Variants in LINGO2 observed in about 807,000 individuals in gnomAD.
LINGO2 encodes leucine-rich repeat and immunoglobulin-like domain-containing nogo receptor-interacting protein 2.
Under a neutral mutation model 30.6 loss-of-function variants are expected in LINGO2, and 14 were observed. The ratio of observed to expected loss-of-function variants is 0.46; its 90% CI spans 0.30 to 0.72. The LOEUF (loss-of-function observed/expected upper bound fraction) is 0.72. Ranked by LOEUF, LINGO2 falls within the 30% of genes least tolerant of loss-of-function variation. The probability of loss-of-function intolerance (pLI) is 0.07; values close to 1 mark genes in which losing one functional copy is unlikely to be tolerated. For synonymous variants in LINGO2, 317 were observed against 288.5 expected (o/e 1.10, Z -1.00); for missense variants, 729 against 751.7 (o/e 0.97, Z 0.35).
the LINGO2 span, chr9:27,941,948 G>A: frequency 6.6e-6 from 1 of 152,130 alleles, no homozygotes; most frequent in East Asian, 1.9e-4. Flanking sequence ...GGTGTTGTAT[G>A]TATGGCTTGC....
chr9:28,707,146 T>A, the LINGO2 span, among the ~76,000 whole-genome samples: 1 of 152,238 alleles, frequency 6.6e-6, no homozygotes, highest in Middle Eastern at 3.4e-3. Context: ...TCTTATATCC[T>A]AAAGATGGCA....
At chr9:28,443,579 G>C (rs1824285505) in intron 2 of LINGO2, among the ~76,000 whole-genome samples, 1 of 152,234 alleles carries the variant, frequency 6.6e-6, no homozygotes, top group South Asian at 2.1e-4. Flanking sequence ...CTGCTCCAAT[G>C]TGGAGTAAAG....
intron 1 of LINGO2, among the ~76,000 whole-genome samples, chr9:28,561,868 T>G (rs1348627587): frequency 3.4e-5 from 5 of 149,038 alleles, no homozygotes; most frequent in Non-Finnish European, 7.4e-5. Context: ...CTTTACACAG[T>G]GAGGATGAAG....
the LINGO2 span, among the ~76,000 whole-genome samples, chr9:28,847,134 G>T: frequency 6.7e-6 from 1 of 148,320 alleles, no homozygotes; most frequent in East Asian, 2.0e-4. Flanking sequence ...GGGGTAGATG[G>T]CTGTTGAGCA....
chr9:28,456,100 T>G (rs1423903314), intron 2 of LINGO2, among the ~76,000 whole-genome samples: 1 of 152,216 alleles, frequency 6.6e-6, no homozygotes, highest in Non-Finnish European at 1.5e-5. Context: ...TTAGTAATTT[T>G]TGAGTGTTTA....
intron 4 of LINGO2, among the ~76,000 whole-genome samples, chr9:28,079,193 G>A (rs1171711151): frequency 7.4e-6 from 1 of 135,166 alleles, no homozygotes; most frequent in Non-Finnish European, 1.5e-5. Context: ...CTAAAAAGAT[G>A]AAATTTAATA....
rs1827880093 is a variant in LINGO2, at chr9:28,148,424, C to G, written c.-86-136019G>C. On this transcript the variant is annotated intron_variant, in intron 4 of 5. Transcript: ENST00000379992. The surrounding 1 kb of genome is among the most constrained non-coding windows in gnomAD (Gnocchi z 5.1). Reference sequence around the variant, plus strand: ...TGAGCAGGTGATCCCAGCCAGGCTCCCGAAGATGGAGGTGAGGGCAGAAGA... The same window carrying G: ...TGAGCAGGTGATCCCAGCCAGGCTCGCGAAGATGGAGGTGAGGGCAGAAGA... 1.5e-6 allele frequency: 2 copies of G among 1,324,752 alleles called. No individual in the cohort carries two copies. Among genetic ancestry groups the G allele is most frequent in the Admixed American group, 2.0e-5 (1 of 50,648 alleles). 82.1% of individuals were successfully genotyped at this position (1,324,752 alleles called of 1,614,324 possible). A position where few individuals can be genotyped will look rare whatever the true frequency, so the allele number is the denominator to read the frequency against.
intron 1 of LINGO2, among the ~76,000 whole-genome samples, chr9:28,479,219 T>C (rs1033613139): frequency 2.6e-5 from 4 of 151,986 alleles, no homozygotes; most frequent in African/African-American, 9.7e-5. Flanking sequence ...CAAGCATATA[T>C]ATTTTAAAAG....
the LINGO2 span, among the ~76,000 whole-genome samples, chr9:29,182,690 T>G: frequency 9.2e-5 from 2 of 21,732 alleles, no homozygotes; most frequent in African/African-American, 1.6e-4. Context: ...ATCTGTAGGT[T>G]TTTTTTTTTT....
chr9:29,068,701 G>GATTCAA, the LINGO2 span, among the ~76,000 whole-genome samples: 6 of 151,774 alleles, frequency 4.0e-5, no homozygotes, highest in African/African-American at 1.4e-4. Flanking sequence ...TCAAATGTAC[G>GATTCAA]ATTCAAATTC....
chr9:28,530,347 C>A (rs1821184041), intron 1 of LINGO2, among the ~76,000 whole-genome samples: 1 of 152,056 alleles, frequency 6.6e-6, no homozygotes, highest in African/African-American at 2.4e-5. Flanking sequence ...GCAATAGTTG[C>A]ACTTGCTAGA....
intron 1 of LINGO2, among the ~76,000 whole-genome samples, chr9:28,602,546 T>C (rs1006427470): frequency 1.3e-5 from 2 of 152,088 alleles, no homozygotes; most frequent in South Asian, 2.1e-4. Flanking sequence ...TGAGTGATTA[T>C]TCTTAAAACC....
chr9:28,719,126 T>G, the LINGO2 span, among the ~76,000 whole-genome samples: 5 of 151,974 alleles, frequency 3.3e-5, no homozygotes, highest in Admixed American at 6.6e-5. Context: ...TTGTTAATTA[T>G]CCTCCTACTG....
chr9:28,595,039 T>G (rs1825109129), intron 1 of LINGO2, among the ~76,000 whole-genome samples: 1 of 152,076 alleles, frequency 6.6e-6, no homozygotes, highest in South Asian at 2.1e-4. Flanking sequence ...CTTAACTCCA[T>G]CACGATCAGA....
At chr9:28,675,905 G>GTATATATATA in the LINGO2 span, among the ~76,000 whole-genome samples, 384 of 126,042 alleles carry the variant, frequency 3.0e-3, 4 homozygotes, top group Admixed American at 0.016. Context: ...GTGTGTGTAT[G>GTATATATATA]TATATATATA....
At chr9:28,489,019 C>T (rs1033305933) in intron 1 of LINGO2, among the ~76,000 whole-genome samples, 5 of 151,974 alleles carry the variant, frequency 3.3e-5, no homozygotes, top group Non-Finnish European at 7.4e-5. Flanking sequence ...CTATTGAGAC[C>T]GAGGCTTCAA....
intron 4 of LINGO2, among the ~76,000 whole-genome samples, chr9:28,260,549 T>C (rs1289364325): frequency 6.6e-6 from 1 of 151,864 alleles, no homozygotes. Flanking sequence ...TACTCGTAGT[T>C]ACATTCCCTC....
chr9:29,167,858 G>T, the LINGO2 span, among the ~76,000 whole-genome samples: 12 of 152,040 alleles, frequency 7.9e-5, no homozygotes, highest in Non-Finnish European at 8.8e-5. Flanking sequence ...AGTTTCCTTT[G>T]CATGAGAAAT....
At chr9:29,026,567 A>C in the LINGO2 span, among the ~76,000 whole-genome samples, 1 of 152,300 alleles carries the variant, frequency 6.6e-6, no homozygotes, top group African/African-American at 2.4e-5. Flanking sequence ...CAGTATAGAT[A>C]TTTATATTTT....
Sources: allele counts gnomAD v4.1 joint callset (sites outside exome capture counted in the v4.1 genomes callset), GRCh38; gene constraint gnomAD v4.1.1; non-coding constraint Gnocchi (gnomAD v3.1); transcripts MANE v1.5; gene names NCBI Gene and HGNC (gene_info 2026-07-23, HGNC 2026-07-21).